RARB: variants seen among roughly 807,000 people sequenced by gnomAD.
The protein encoded by RARB is retinoic acid receptor beta, also known as HBV-activated protein.
RARB carries 17 observed loss-of-function variants against 51.9 expected under a neutral mutation model. That is an observed-to-expected ratio of 0.33 (90% CI 0.22 to 0.49). The LOEUF (loss-of-function observed/expected upper bound fraction) is 0.49, where lower values mean the gene tolerates loss of function less well. Among genes scored for constraint, RARB ranks in the 20% least tolerant of loss-of-function variants. The pLI, the probability that RARB is intolerant of heterozygous loss-of-function variation, is 0.99. For missense variants in RARB, 369 were observed against 550.8 expected, an observed-to-expected ratio of 0.67 and a Z score of 3.30; for synonymous variants, 215 against 195.4, an observed-to-expected ratio of 1.10 and a Z score of -0.84.
chr3:25,423,374 A>C (rs898081321), upstream of RARB, among the ~76,000 whole-genome samples: 2 of 152,232 alleles, frequency 1.3e-5, no homozygotes, highest in Non-Finnish European at 2.9e-5. Context: ...CAGAGATTCT[A>C]ACTTATTTTT....
chr3:25,516,816 AG>A (rs969570367), intron 3 of RARB, among the ~76,000 whole-genome samples: 11 of 152,116 alleles, frequency 7.2e-5, no homozygotes, highest in Non-Finnish European at 1.0e-4. Flanking sequence ...TAGCAGAAAT[AG>A]GGTTTTGCCA....
chr3:25,049,182 A>T (rs1456743071), intron 2 of RARB, among the ~76,000 whole-genome samples: 1 of 152,248 alleles, frequency 6.6e-6, no homozygotes, highest in Non-Finnish European at 1.5e-5. Context: ...CAATAGAAGC[A>T]GTGAGACATT....
At chr3:25,565,668 A>T (rs914676771) in intron 3 of RARB, among the ~76,000 whole-genome samples, 9 of 152,178 alleles carry the variant, frequency 5.9e-5, no homozygotes, top group African/African-American at 1.9e-4. Flanking sequence ...ACCATTTTTC[A>T]TATCAGTCTC....
intron 2 of RARB, among the ~76,000 whole-genome samples, chr3:24,908,177 C>T (rs1694908695): frequency 1.3e-5 from 2 of 152,220 alleles, no homozygotes; most frequent in South Asian, 4.1e-4. Context: ...AGCACTGATT[C>T]TTGTTCAGAT....
intron 3 of RARB, among the ~76,000 whole-genome samples, chr3:25,099,358 G>A (rs1171626955): frequency 1.3e-5 from 2 of 152,076 alleles, no homozygotes; most frequent in Non-Finnish European, 2.9e-5. Flanking sequence ...AAAGGGGAGG[G>A]CTAGATTGTC....
intron 3 of RARB, among the ~76,000 whole-genome samples, chr3:25,533,550 A>G (rs1575494360): frequency 6.6e-6 from 1 of 152,310 alleles, no homozygotes; most frequent in East Asian, 1.9e-4. Context: ...TTGATTAGTG[A>G]GAAGTGAGGG....
intron 2 of RARB, among the ~76,000 whole-genome samples, chr3:25,035,725 C>T (rs539048512): frequency 6.6e-6 from 1 of 152,304 alleles, no homozygotes; most frequent in South Asian, 2.1e-4. Flanking sequence ...AATGACTCAG[C>T]TCTGCCCTTG....
At chr3:24,970,859 G>A (rs1390213037) in intron 2 of RARB, among the ~76,000 whole-genome samples, 1 of 151,946 alleles carries the variant, frequency 6.6e-6, no homozygotes, top group Non-Finnish European at 1.5e-5. Context: ...AGACTTCTAA[G>A]GAGCTTGTGG....
intron 3 of RARB, among the ~76,000 whole-genome samples, chr3:25,094,827 A>G (rs552573064): frequency 2.8e-4 from 42 of 151,798 alleles, no homozygotes; most frequent in African/African-American, 9.2e-4. Flanking sequence ...GTCTTGTGCC[A>G]AAGCTCTGGC....
At chr3:25,317,056 C>T (rs563587062) in intron 5 of RARB, among the ~76,000 whole-genome samples, 7 of 59,842 alleles carry the variant, frequency 1.2e-4, no homozygotes, top group African/African-American at 3.6e-4. Context: ...TTATAACTAA[C>T]TGTTAAGTAT....
intron 5 of RARB, among the ~76,000 whole-genome samples, chr3:25,330,874 C>T (rs1055280938): frequency 3.3e-5 from 5 of 152,102 alleles, no homozygotes; most frequent in African/African-American, 1.2e-4. Context: ...GGGTTGTAAT[C>T]CTAGTCTCTG....
intron 3 of RARB, among the ~76,000 whole-genome samples, chr3:25,083,946 C>A (rs918772868): frequency 6.6e-6 from 1 of 152,130 alleles, no homozygotes; most frequent in African/African-American, 2.4e-5. Flanking sequence ...TTATCCACTC[C>A]GACAAACTGA....
chr3:25,520,155 A>C (rs1698343684), intron 3 of RARB, among the ~76,000 whole-genome samples: 1 of 152,174 alleles, frequency 6.6e-6, no homozygotes, highest in Non-Finnish European at 1.5e-5. Context: ...AAAACCTAAA[A>C]TATCTACTAT....
At chr3:25,090,508 C>G (rs780006181) in intron 3 of RARB, among the ~76,000 whole-genome samples, 1 of 152,068 alleles carries the variant, frequency 6.6e-6, no homozygotes, top group Non-Finnish European at 1.5e-5. Context: ...GATGTTTAAA[C>G]CTAAGAACAA....
At chr3:24,900,076 G>A (rs1703569667) in intron 2 of RARB, among the ~76,000 whole-genome samples, 1 of 152,186 alleles carries the variant, frequency 6.6e-6, no homozygotes, top group Non-Finnish European at 1.5e-5. Flanking sequence ...CATGTACAGG[G>A]CAAGTCCCAT....
chr3:25,201,609 A>G (rs1270532680), intron 5 of RARB, among the ~76,000 whole-genome samples: 3 of 152,320 alleles, frequency 2.0e-5, no homozygotes, highest in South Asian at 2.1e-4. Flanking sequence ...GGTCCCATCA[A>G]TACCTAATTT....
At chr3:25,130,617 G>A (rs1699930627) in intron 3 of RARB, among the ~76,000 whole-genome samples, 1 of 151,566 alleles carries the variant, frequency 6.6e-6, no homozygotes, top group Admixed American at 6.6e-5. Context: ...TAGTATATTT[G>A]AAACAAGAGA....
intron 2 of RARB, among the ~76,000 whole-genome samples, chr3:24,989,035 A>G (rs1312935852): frequency 2.6e-5 from 4 of 152,168 alleles, no homozygotes; most frequent in African/African-American, 7.2e-5. Flanking sequence ...CACGTTGGCC[A>G]GGCTGGTCTT....
At chr3:24,898,030 T>A (rs546131851) in intron 2 of RARB, among the ~76,000 whole-genome samples, 3 of 152,172 alleles carry the variant, frequency 2.0e-5, no homozygotes, top group Non-Finnish European at 2.9e-5. Context: ...AGAAAGACTT[T>A]AGACCTCATG....
Sources: allele counts gnomAD v4.1 joint callset (sites outside exome capture counted in the v4.1 genomes callset), GRCh38; gene constraint gnomAD v4.1.1; transcripts MANE v1.5; gene names NCBI Gene and HGNC (gene_info 2026-07-23, HGNC 2026-07-21).